ROBO2: variants seen among roughly 807,000 people sequenced by gnomAD.
The protein encoded by ROBO2 is roundabout guidance receptor 2.
A neutral mutation model predicts 160.8 loss-of-function variants in ROBO2; 53 were observed. The ratio of observed to expected loss-of-function variants is 0.33; its 90% CI spans 0.26 to 0.41. The LOEUF (loss-of-function observed/expected upper bound fraction) is 0.41, where lower values mean the gene tolerates loss of function less well. Ranked by LOEUF, ROBO2 falls within the 10% of genes least tolerant of loss-of-function variation. The probability of loss-of-function intolerance (pLI) is 1.00; values close to 1 mark genes in which losing one functional copy is unlikely to be tolerated. For missense variants in ROBO2, 1,577 were observed against 1,722.4 expected (o/e 0.92, Z 1.49); for synonymous variants, 664 against 611.7 (o/e 1.09, Z -1.26).
At chr3:76,557,960 A>C (rs2083912045) in intron 2 of ROBO2, among the ~76,000 whole-genome samples, 1 of 151,732 alleles carries the variant, frequency 6.6e-6, no homozygotes, top group South Asian at 2.1e-4. Flanking sequence ...AATAGTTATC[A>C]TGCGGATAAT....
chr3:77,132,235 A>G (rs1376992178), intron 2 of ROBO2, among the ~76,000 whole-genome samples: 1 of 152,086 alleles, frequency 6.6e-6, no homozygotes, highest in African/African-American at 2.4e-5. Flanking sequence ...GTAATACTGT[A>G]TGTCAGAAGA....
At chr3:77,074,971 C>T (rs890408159) in intron 1 of ROBO2, among the ~76,000 whole-genome samples, 5 of 152,030 alleles carry the variant, frequency 3.3e-5, no homozygotes, top group African/African-American at 4.8e-5. Flanking sequence ...CCACTAAATG[C>T]TTTTGTTATA....
intron 2 of ROBO2, among the ~76,000 whole-genome samples, chr3:76,555,398 A>AGAG (rs1491489030): frequency 1.4e-5 from 1 of 70,728 alleles, no homozygotes; most frequent in Non-Finnish European, 4.3e-5. Context: ...AAGAAGAAGA[A>AGAG]GAAGAAGAAG....
Position 76,140,399 on chromosome 3 carries a change from A to G in ROBO2, c.109+202797A>G, listed in dbSNP as rs372144899. Among the ~76,000 whole-genome samples the G allele has an allele frequency of 2.6e-3, 390 of 152,082 alleles. 1 individual carries two copies. Among genetic ancestry groups the G allele is most frequent in the African/African-American group, 9.1e-3 (379 of 41,526 alleles). ...GCTAGGGTAATCTGAGCCAAGCACTATTTCATTTGCCTTATTTTTATTAAC... is the reference window on the plus strand; with the variant it reads ...GCTAGGGTAATCTGAGCCAAGCACTGTTTCATTTGCCTTATTTTTATTAAC... On this transcript the variant is annotated intron_variant, in intron 2 of 26. Transcript: ENST00000487694.
At chr3:76,598,033 G>C (rs66809992) in intron 2 of ROBO2, among the ~76,000 whole-genome samples, 7,173 of 152,054 alleles carry the variant, frequency 0.047, 187 homozygotes, top group African/African-American at 0.069. Context: ...GTTTTTCAGT[G>C]GGTGAATGAT....
intron 14 of ROBO2, among the ~76,000 whole-genome samples, chr3:77,577,072 G>T (rs2093785707): frequency 6.6e-6 from 1 of 152,020 alleles, no homozygotes; most frequent in Admixed American, 6.6e-5. Flanking sequence ...TCTAAAATCA[G>T]ACATACACCG....
At chr3:76,080,807 G>T (rs1300356490) in intron 2 of ROBO2, among the ~76,000 whole-genome samples, 1 of 152,142 alleles carries the variant, frequency 6.6e-6, no homozygotes, top group Non-Finnish European at 1.5e-5. Context: ...AAACAAAGAA[G>T]AGAAAATAGA....
At chr3:77,529,714 G>T (rs2091482354) in intron 6 of ROBO2, among the ~76,000 whole-genome samples, 1 of 151,752 alleles carries the variant, frequency 6.6e-6, no homozygotes, top group Non-Finnish European at 1.5e-5. Context: ...AATTCCCATT[G>T]GACTGGAACT....
intron 2 of ROBO2, among the ~76,000 whole-genome samples, chr3:77,348,064 C>G (rs1049136824): frequency 6.6e-6 from 1 of 152,042 alleles, no homozygotes; most frequent in African/African-American, 2.4e-5. Flanking sequence ...CCTCTAATCC[C>G]TTTCCTGTGG....
chr3:76,349,101 G>T (rs1444539467), intron 2 of ROBO2, among the ~76,000 whole-genome samples: 1 of 152,024 alleles, frequency 6.6e-6, no homozygotes, highest in Admixed American at 6.6e-5. Context: ...GCAGAGCAAG[G>T]ATTTAAACTC....
At chr3:77,323,604 A>G (rs1465475394) in intron 2 of ROBO2, among the ~76,000 whole-genome samples, 2 of 152,142 alleles carry the variant, frequency 1.3e-5, no homozygotes, top group Non-Finnish European at 2.9e-5. Context: ...ATAGAGCTAA[A>G]CCAATATTTG....
At chr3:77,242,672 C>T (rs186262520) in intron 2 of ROBO2, among the ~76,000 whole-genome samples, 27 of 151,890 alleles carry the variant, frequency 1.8e-4, no homozygotes, top group African/African-American at 4.6e-4. Context: ...GAAAAAGAAG[C>T]GTAAATGTAG....
intron 2 of ROBO2, among the ~76,000 whole-genome samples, chr3:76,045,990 A>G (rs745312764): frequency 2.6e-5 from 4 of 151,856 alleles, no homozygotes; most frequent in African/African-American, 4.9e-5. Flanking sequence ...AGTAGTCCCA[A>G]AATTTTTTCC....
At chr3:76,523,012 A>ATG (rs1436530052) in intron 2 of ROBO2, among the ~76,000 whole-genome samples, 35 of 148,088 alleles carry the variant, frequency 2.4e-4, no homozygotes, top group Admixed American at 3.4e-4. Flanking sequence ...CATATAAAAT[A>ATG]TATAATATAT....
At chr3:76,140,240 T>G (rs1181392082) in intron 2 of ROBO2, among the ~76,000 whole-genome samples, 1 of 152,018 alleles carries the variant, frequency 6.6e-6, no homozygotes, top group Non-Finnish European at 1.5e-5. Context: ...TATAAAATAT[T>G]TGGAGTAACC....
intron 2 of ROBO2, among the ~76,000 whole-genome samples, chr3:76,008,232 CAAAAAAAAAAA>C (rs5850225): frequency 7.3e-5 from 6 of 82,280 alleles, no homozygotes; most frequent in South Asian, 9.6e-4. Context: ...AAGACTCTGT[CAAAAAAAAAAA>C]AAAAAAAAAA....
intron 2 of ROBO2, among the ~76,000 whole-genome samples, chr3:77,371,101 C>T (rs894481713): frequency 4.6e-5 from 7 of 152,162 alleles, no homozygotes; most frequent in Admixed American, 2.0e-4. Flanking sequence ...TATTGACAAT[C>T]TTGAAACTGA....
At chr3:77,299,078 AG>A (rs2062416300) in intron 2 of ROBO2, among the ~76,000 whole-genome samples, 1 of 152,210 alleles carries the variant, frequency 6.6e-6, no homozygotes, top group Non-Finnish European at 1.5e-5. Flanking sequence ...GATGAGGAAC[AG>A]GAAGAAAGCA....
Position 75,986,023 on chromosome 3 carries a change from C to T in ROBO2, c.109+48421C>T, listed in dbSNP as rs187926705. On this transcript the variant is annotated intron_variant, in intron 2 of 26. Coordinates refer to the ROBO2 transcript ENST00000487694. ...GTGAACGTGTGTACAAATATATCTT[C>T]AAGACCTTGCTTTAAATTCTCTTGG... Among the ~76,000 whole-genome samples the T allele has an allele frequency of 4.9e-4, 75 of 151,664 alleles. 1 individual carries two copies. Among genetic ancestry groups the T allele is most frequent in the African/African-American group, 1.5e-3 (62 of 41,490 alleles).
Sources: allele counts gnomAD v4.1 joint callset (sites outside exome capture counted in the v4.1 genomes callset), GRCh38; gene constraint gnomAD v4.1.1; transcripts MANE v1.5; gene names NCBI Gene and HGNC (gene_info 2026-07-23, HGNC 2026-07-21).